Variants in MAPK10 observed in about 807,000 individuals in gnomAD.
MAPK10 encodes JNK3 alpha protein kinase.
MAPK10 carries 25 observed loss-of-function variants against 59.3 expected under a neutral mutation model. The observed-to-expected ratio is 0.42, with a 90% CI of 0.31 to 0.59. The LOEUF (loss-of-function observed/expected upper bound fraction) is 0.59. MAPK10 is among the 20% of genes least tolerant of loss of function. The pLI is 0.15. For missense variants in MAPK10, 351 were observed against 568.9 expected (o/e 0.62, Z 3.90); for synonymous variants, 190 against 200.5 (o/e 0.95, Z 0.44).
intron 2 of MAPK10, among the ~76,000 whole-genome samples, chr4:86,289,099 G>C (rs1019923008): frequency 6.6e-6 from 1 of 152,160 alleles, no homozygotes; most frequent in African/African-American, 2.4e-5. Context: ...GTCAGATATG[G>C]CCTCTGCTTT....
intron 1 of MAPK10, among the ~76,000 whole-genome samples, chr4:86,424,865 C>T (rs1297039098): frequency 6.6e-6 from 1 of 152,118 alleles, no homozygotes; most frequent in Admixed American, 6.5e-5. Flanking sequence ...TCCAGTAATT[C>T]AAGCATAATT....
At chr4:86,081,763 G>A (rs1410397407) in intron 9 of MAPK10, 2 of 152,028 alleles carry the variant, frequency 1.3e-5, no homozygotes, top group Admixed American at 1.3e-4. Flanking sequence ...AAATCAATTT[G>A]ATGTTACACA....
At chr4:86,172,654 G>C (rs568687020) in intron 3 of MAPK10, among the ~76,000 whole-genome samples, 1 of 150,938 alleles carries the variant, frequency 6.6e-6, no homozygotes, top group Admixed American at 6.6e-5. Flanking sequence ...CAGCACACCA[G>C]CATGGCACGT....
chr4:86,199,349 C>T (rs2082101964), intron 2 of MAPK10, among the ~76,000 whole-genome samples: 1 of 151,946 alleles, frequency 6.6e-6, no homozygotes, highest in East Asian at 1.9e-4. Flanking sequence ...TAGTGGAATA[C>T]CATATAGCAA....
intron 4 of MAPK10, among the ~76,000 whole-genome samples, chr4:86,132,861 G>T (rs2061264328): frequency 6.6e-6 from 1 of 152,114 alleles, no homozygotes; most frequent in African/African-American, 2.4e-5. Flanking sequence ...CAAGTTCAGG[G>T]CTCCCACTGA....
intron 2 of MAPK10, among the ~76,000 whole-genome samples, chr4:86,240,456 T>C (rs898182435): frequency 1.3e-5 from 2 of 152,200 alleles, no homozygotes; most frequent in African/African-American, 4.8e-5. Context: ...GGTGTTAACG[T>C]CTCCCACTAT....
intron 13 of MAPK10, among the ~76,000 whole-genome samples, chr4:86,021,752 G>T (rs563046406): frequency 6.6e-6 from 1 of 152,250 alleles, no homozygotes; most frequent in African/African-American, 2.4e-5. Context: ...GCCTTGCCCC[G>T]CAGGAAGGCA....
intron 4 of MAPK10, among the ~76,000 whole-genome samples, chr4:86,148,033 C>CAACAGG (rs2065430740): frequency 1.3e-5 from 2 of 152,098 alleles, no homozygotes; most frequent in African/African-American, 4.8e-5. Context: ...TAACATTATG[C>CAACAGG]AACAGGCACT....
At chr4:86,467,653 G>T (rs927414625) in intron 1 of MAPK10, among the ~76,000 whole-genome samples, 2 of 152,122 alleles carry the variant, frequency 1.3e-5, no homozygotes, top group African/African-American at 4.8e-5. Context: ...CTGAGTAGCT[G>T]GGATTACAGG....
At chr4:86,584,750 T>C (rs1185730040) in intron 1 of MAPK10, among the ~76,000 whole-genome samples, 3 of 152,102 alleles carry the variant, frequency 2.0e-5, no homozygotes, top group African/African-American at 7.2e-5. Context: ...TGGCCTAAAT[T>C]TGCATTATTA....
chr4:86,411,834 G>A (rs1745210103), intron 1 of MAPK10, among the ~76,000 whole-genome samples: 2 of 152,028 alleles, frequency 1.3e-5, no homozygotes, highest in African/African-American at 4.8e-5. Flanking sequence ...GCACACTGAT[G>A]GGTCTTGACT....
At chr4:86,553,362 A>G (rs1452220865) in intron 1 of MAPK10, among the ~76,000 whole-genome samples, 2 of 152,210 alleles carry the variant, frequency 1.3e-5, no homozygotes, top group African/African-American at 4.8e-5. Context: ...AAAGGATAAA[A>G]GAGCCCACAA....
intron 5 of MAPK10, among the ~76,000 whole-genome samples, chr4:86,103,789 T>G (rs1192561413): frequency 6.6e-6 from 1 of 152,118 alleles, no homozygotes; most frequent in Non-Finnish European, 1.5e-5. Context: ...AATGATGGAT[T>G]TAATAGAAAA....
chr4:86,222,534 G>T (rs1043649291), intron 2 of MAPK10, among the ~76,000 whole-genome samples: 8 of 152,186 alleles, frequency 5.3e-5, no homozygotes, highest in African/African-American at 1.9e-4. Flanking sequence ...ATACCCATGG[G>T]ATCAGCTGAG....
intron 9 of MAPK10, among the ~76,000 whole-genome samples, chr4:86,075,688 C>G (rs1328592870): frequency 6.6e-6 from 1 of 151,966 alleles, no homozygotes; most frequent in Admixed American, 6.6e-5. Flanking sequence ...TGGGGGATGC[C>G]TCCCAGTTAG....
At chr4:86,558,221 A>G (rs1760412945) in intron 1 of MAPK10, among the ~76,000 whole-genome samples, 1 of 152,168 alleles carries the variant, frequency 6.6e-6, no homozygotes, top group Non-Finnish European at 1.5e-5. Flanking sequence ...TTTATGAACA[A>G]ATTCATAAAT....
At chr4:86,569,230 A>C (rs890157193) in intron 1 of MAPK10, among the ~76,000 whole-genome samples, 3 of 152,228 alleles carry the variant, frequency 2.0e-5, no homozygotes, top group African/African-American at 7.2e-5. Context: ...AAAGAAATGC[A>C]AATTGAAACC....
intron 9 of MAPK10, among the ~76,000 whole-genome samples, chr4:86,072,397 C>T (rs923843059): frequency 3.4e-5 from 5 of 147,436 alleles, no homozygotes; most frequent in Non-Finnish European, 7.4e-5. Flanking sequence ...CTTCTCCTGT[C>T]TAATTGCCCT....
intron 2 of MAPK10, among the ~76,000 whole-genome samples, chr4:86,244,994 T>TC (rs2092988325): frequency 6.6e-6 from 1 of 151,300 alleles, no homozygotes; most frequent in Non-Finnish European, 1.5e-5. Flanking sequence ...CAATATGTGG[T>TC]CTAGATATGC....
Sources: allele counts gnomAD v4.1 joint callset (sites outside exome capture counted in the v4.1 genomes callset), GRCh38; gene constraint gnomAD v4.1.1; transcripts MANE v1.5; gene names NCBI Gene and HGNC (gene_info 2026-07-23, HGNC 2026-07-21).